Variants in SGMS1 observed in about 807,000 individuals in gnomAD.
SGMS1 encodes the protein sphingomyelin synthase 1.
In SGMS1, 13 loss-of-function variants were observed where a neutral mutation model predicts 46.2. The ratio of observed to expected loss-of-function variants is 0.28; its 90% CI spans 0.18 to 0.45. SGMS1 has a LOEUF of 0.45. SGMS1 is among the 20% of genes least tolerant of loss of function. SGMS1 has a pLI of 1.00. For missense variants in SGMS1, 324 were observed against 519.9 expected (o/e 0.62, Z 3.66); for synonymous variants, 203 against 187.8 (o/e 1.08, Z -0.66).
intron 6 of SGMS1, among the ~76,000 whole-genome samples, chr10:50,377,485 T>C (rs1483541698): frequency 2.0e-5 from 3 of 152,248 alleles, no homozygotes; most frequent in Admixed American, 6.5e-5. Context: ...ACTATAGCAC[T>C]GATGGAAGAT....
intron 5 of SGMS1, among the ~76,000 whole-genome samples, chr10:50,449,347 CTT>C (rs1362457393): frequency 2.0e-5 from 3 of 152,078 alleles, no homozygotes; most frequent in Non-Finnish European, 4.4e-5. Flanking sequence ...CAATGATTTC[CTT>C]TTAGAGTAAC....
intron 2 of SGMS1, among the ~76,000 whole-genome samples, chr10:50,585,558 G>A (rs1838475781): frequency 6.6e-6 from 1 of 152,226 alleles, no homozygotes; most frequent in Non-Finnish European, 1.5e-5. Context: ...CAGCTATGCT[G>A]AGAATAAGCC....
chr10:50,309,753 T>C (rs541280051), intron 9 of SGMS1, among the ~76,000 whole-genome samples: 9 of 152,268 alleles, frequency 5.9e-5, no homozygotes, highest in African/African-American at 1.9e-4. Flanking sequence ...GCATCTCTCT[T>C]CCCTTCCTGT....
intron 6 of SGMS1, among the ~76,000 whole-genome samples, chr10:50,422,107 T>A (rs895508027): frequency 6.6e-6 from 1 of 152,170 alleles, no homozygotes; most frequent in African/African-American, 2.4e-5. Context: ...TCTTATTCTT[T>A]ATACTTCCAT....
chr10:50,397,235 A>C (rs1326053579), intron 6 of SGMS1, among the ~76,000 whole-genome samples: 1 of 152,024 alleles, frequency 6.6e-6, no homozygotes, highest in Non-Finnish European at 1.5e-5. Context: ...CAGAGGACTC[A>C]CTCAGTGTAG....
chr10:50,530,155 T>C (rs1370672620), intron 2 of SGMS1, among the ~76,000 whole-genome samples: 1 of 152,212 alleles, frequency 6.6e-6, no homozygotes, highest in Non-Finnish European at 1.5e-5. Context: ...AACTTAATTA[T>C]TTTAGATGAG....
chr10:50,336,643 A>T (rs1847721624), intron 7 of SGMS1, among the ~76,000 whole-genome samples: 1 of 152,288 alleles, frequency 6.6e-6, no homozygotes, highest in African/African-American at 2.4e-5. Flanking sequence ...CATCTACAAC[A>T]CTAAATCTGT....
chr10:50,455,527 T>C (rs1837180133), intron 5 of SGMS1, among the ~76,000 whole-genome samples: 1 of 152,252 alleles, frequency 6.6e-6, no homozygotes, highest in South Asian at 2.1e-4. Context: ...CATTGCAAAC[T>C]CTTTAGTTAG....
At chr10:50,383,371 CGT>C (rs1848635522) in intron 6 of SGMS1, among the ~76,000 whole-genome samples, 2 of 152,028 alleles carry the variant, frequency 1.3e-5, no homozygotes, top group Admixed American at 6.6e-5. Context: ...TTCTTTTAAA[CGT>C]GTATTCTTCT....
intron 6 of SGMS1, among the ~76,000 whole-genome samples, chr10:50,398,516 G>C (rs1200606597): frequency 6.6e-6 from 1 of 152,138 alleles, no homozygotes; most frequent in African/African-American, 2.4e-5. Context: ...AACAATACCG[G>C]TGTTGTAAGT....
intron 3 of SGMS1, among the ~76,000 whole-genome samples, chr10:50,487,471 G>A (rs932473978): frequency 3.3e-5 from 5 of 152,232 alleles, no homozygotes; most frequent in East Asian, 1.9e-4. Flanking sequence ...CATCCTGCAC[G>A]TGTACCATGG....
intron 6 of SGMS1, among the ~76,000 whole-genome samples, chr10:50,433,093 C>T (rs1849425871): frequency 6.6e-6 from 1 of 152,100 alleles, no homozygotes; most frequent in Non-Finnish European, 1.5e-5. Flanking sequence ...AATATGCCCA[C>T]AGAAAAAAAT....
At chr10:50,442,444 T>C (rs1437030904) in intron 5 of SGMS1, among the ~76,000 whole-genome samples, 2 of 152,012 alleles carry the variant, frequency 1.3e-5, no homozygotes, top group Non-Finnish European at 2.9e-5. Flanking sequence ...CAGTGTTTGG[T>C]TTTCTGTTCC....
At position 50,613,513 on chromosome 10, in the gene SGMS1, G is replaced by A. The variant is rs558870959; in HGVS notation, c.-684+10194C>T. Reference sequence around the variant, plus strand: ...CAGACTGGAGAGTGTCTCCACACCTGAACAGGCCTCTCTAGCCTCTTCAGT... The same window carrying A: ...CAGACTGGAGAGTGTCTCCACACCTAAACAGGCCTCTCTAGCCTCTTCAGT... On this transcript the variant is annotated intron_variant, in intron 1 of 10. Transcript: ENST00000361781. 2.0e-5 allele frequency among the ~76,000 whole-genome samples: 3 copies of A among 152,234 alleles called. No individual in the cohort carries two copies. In the East Asian group the frequency reaches 5.8e-4, roughly 29 times the overall value.
chr10:50,339,361 A>G lies in SGMS1; in HGVS notation c.623+4131T>C, dbSNP rs187840401. On this transcript the variant is annotated intron_variant, in intron 7 of 10. Coordinates refer to ENST00000361781, the MANE Select transcript of SGMS1 (RefSeq NM_147156.4). ...TCCTGCATCAACTACTCTTCCCCAA[A>G]CACATGCATGGTATTCACTCTCATT... 1.6e-3 allele frequency among the ~76,000 whole-genome samples: 243 copies of G among 152,162 alleles called. 1 individual carries two copies. Among genetic ancestry groups the G allele is most frequent in the African/African-American group, 5.3e-3 (220 of 41,514 alleles).
chr10:50,544,612 C>T (rs1838084151), intron 2 of SGMS1, among the ~76,000 whole-genome samples: 1 of 152,060 alleles, frequency 6.6e-6, no homozygotes, highest in African/African-American at 2.4e-5. Context: ...ACTGCAAATT[C>T]CAGAAGAAGT....
intron 5 of SGMS1, among the ~76,000 whole-genome samples, chr10:50,446,869 A>G (rs540865330): frequency 4.6e-5 from 7 of 152,346 alleles, no homozygotes; most frequent in African/African-American, 1.7e-4. Flanking sequence ...ATCACAAAAT[A>G]ATTTATTTGA....
At chr10:50,399,165 T>C (rs117271444) in intron 6 of SGMS1, among the ~76,000 whole-genome samples, 2,221 of 152,262 alleles carry the variant, frequency 0.015, 23 homozygotes, top group Middle Eastern at 0.031. Flanking sequence ...CCGCAGTAAG[T>C]TGGTTTTTTA....
At chr10:50,326,895 G>C (rs1847540976) in intron 8 of SGMS1, among the ~76,000 whole-genome samples, 1 of 152,118 alleles carries the variant, frequency 6.6e-6, no homozygotes, top group African/African-American at 2.4e-5. Flanking sequence ...CCGAGGGAGA[G>C]GAAGCATATA....
Sources: allele counts gnomAD v4.1 joint callset (sites outside exome capture counted in the v4.1 genomes callset), GRCh38; gene constraint gnomAD v4.1.1; transcripts MANE v1.5; gene names NCBI Gene and HGNC (gene_info 2026-07-23, HGNC 2026-07-21).